Variants in GALNT13 observed in about 807,000 individuals in gnomAD.
The protein encoded by GALNT13 is UDP-GalNAc:polypeptide N-acetylgalactosaminyltransferase 13.
A neutral mutation model predicts 64.2 loss-of-function variants in GALNT13; 28 were observed. The observed-to-expected ratio is 0.44, with a 90% CI of 0.32 to 0.60. The LOEUF is 0.60. Among genes scored for constraint, GALNT13 ranks in the 20% least tolerant of loss-of-function variants. The pLI is 0.05. For synonymous variants in GALNT13, 214 were observed against 224.6 expected (o/e 0.95, Z 0.42); for missense variants, 577 against 669.8 (o/e 0.86, Z 1.53).
At chr2:154,279,919 T>A (rs1691867524) in intron 8 of GALNT13, among the ~76,000 whole-genome samples, 1 of 152,160 alleles carries the variant, frequency 6.6e-6, no homozygotes, top group Admixed American at 6.5e-5. Context: ...TCACATTGGT[T>A]CTTGCCAAAC....
Position 154,256,700 on chromosome 2 carries a change from G to A in GALNT13, c.858-2321G>A, listed in dbSNP as rs116143042. On this transcript the variant is annotated intron_variant, in intron 7 of 12. Transcript: ENST00000392825. ...AACTGTTGGTTATGTATTGAGAACT[G>A]TGTTAAGTGCTTTACTTCTGTTAAC... Among the ~76,000 whole-genome samples, 275 of 152,228 alleles carry A rather than the reference G, an allele frequency of 1.8e-3. 1 individual carries two copies. The highest frequency in any genetic ancestry group is 6.1e-3 in the African/African-American group (253 of 41,548).
the GALNT13 span, among the ~76,000 whole-genome samples, chr2:153,597,225 G>T: frequency 1.3e-5 from 2 of 151,996 alleles, no homozygotes; most frequent in East Asian, 3.9e-4. Flanking sequence ...TTGTATTTCA[G>T]TACGGTCACA....
chr2:154,326,923 C>T (rs953672246), intron 9 of GALNT13, among the ~76,000 whole-genome samples: 1 of 152,038 alleles, frequency 6.6e-6, no homozygotes, highest in African/African-American at 2.4e-5. Context: ...TTGGTTCGTC[C>T]ATCAGGAGTT....
intron 3 of GALNT13, among the ~76,000 whole-genome samples, chr2:153,971,692 T>A (rs1325513574): frequency 6.6e-6 from 1 of 152,156 alleles, no homozygotes; most frequent in Non-Finnish European, 1.5e-5. Context: ...TCACAAAATT[T>A]GCTTTTATGA....
At chr2:154,128,585 T>C (rs1292846184) in intron 3 of GALNT13, among the ~76,000 whole-genome samples, 2 of 152,090 alleles carry the variant, frequency 1.3e-5, no homozygotes, top group African/African-American at 4.8e-5. Flanking sequence ...AGCTGGTTTA[T>C]ACAGATGGTC....
the GALNT13 span, among the ~76,000 whole-genome samples, chr2:153,372,118 G>T: frequency 6.6e-6 from 1 of 152,158 alleles, no homozygotes; most frequent in South Asian, 2.1e-4. Flanking sequence ...AATATGTCCA[G>T]CTGTCAACAT....
chr2:153,927,664 A>C (rs905251068), intron 2 of GALNT13, among the ~76,000 whole-genome samples: 2 of 151,966 alleles, frequency 1.3e-5, no homozygotes, highest in Non-Finnish European at 2.9e-5. Context: ...AGTATTCAAT[A>C]TTTGGAATAT....
the GALNT13 span, among the ~76,000 whole-genome samples, chr2:153,322,829 C>T: frequency 2.6e-5 from 4 of 152,124 alleles, no homozygotes; most frequent in Admixed American, 1.3e-4. Context: ...GACATGAACT[C>T]CTTCTTTTTT....
intron 1 of GALNT13, among the ~76,000 whole-genome samples, chr2:153,873,098 CCCCGTCTTCCCGAACACCAG>C (rs1686099533): frequency 6.6e-6 from 1 of 152,214 alleles, no homozygotes; most frequent in Non-Finnish European, 1.5e-5. Context: ...CATCTCTCTG[CCCCGTCTTCCCGAACACCAG>C]CCCCGCGATC....
the GALNT13 span, among the ~76,000 whole-genome samples, chr2:153,125,701 C>T: frequency 1.3e-4 from 20 of 152,240 alleles, no homozygotes; most frequent in African/African-American, 3.4e-4. Flanking sequence ...CATAAAAGTA[C>T]GCAGTAAGCA....
Position 154,182,175 on chromosome 2 carries a change from C to T in GALNT13, c.311+41670C>T, listed in dbSNP as rs148697346. On this transcript the variant is annotated intron_variant, in intron 4 of 12. Coordinates refer to ENST00000392825, the MANE Select transcript of GALNT13 (RefSeq NM_052917.4). The stretch of plus-strand genomic sequence containing the variant: ...TATAGAGGTTAAACAAATGGCCCAA[C>T]CCAGCAGTGCTAGTAACTTGAGAAA... 8.7e-4 allele frequency among the ~76,000 whole-genome samples: 133 copies of T among 152,250 alleles called. 3 individuals carry two copies. The East Asian group carries it at 0.019, about 22-fold the overall frequency.
At chr2:153,591,200 T>C in the GALNT13 span, among the ~76,000 whole-genome samples, 6 of 151,932 alleles carry the variant, frequency 3.9e-5, no homozygotes, top group African/African-American at 1.2e-4. Flanking sequence ...AAGAAATCAA[T>C]CACATTTACA....
At chr2:154,263,650 A>C (rs1196274707) in intron 8 of GALNT13, among the ~76,000 whole-genome samples, 1 of 152,202 alleles carries the variant, frequency 6.6e-6, no homozygotes, top group Non-Finnish European at 1.5e-5. Flanking sequence ...GAAAAACCAC[A>C]CACAAAAAAA....
chr2:153,456,058 C>T, the GALNT13 span, among the ~76,000 whole-genome samples: 1 of 152,130 alleles, frequency 6.6e-6, no homozygotes, highest in African/African-American at 2.4e-5. Flanking sequence ...TTCTCTGCGA[C>T]GCCCAGCCAT....
intron 4 of GALNT13, among the ~76,000 whole-genome samples, chr2:154,193,607 C>T (rs1349544932): frequency 6.6e-6 from 1 of 152,226 alleles, no homozygotes; most frequent in Non-Finnish European, 1.5e-5. Context: ...TGATGAAACA[C>T]ACCACCATGT....
At chr2:153,637,924 C>T in the GALNT13 span, among the ~76,000 whole-genome samples, 1 of 150,698 alleles carries the variant, frequency 6.6e-6, no homozygotes, top group Non-Finnish European at 1.5e-5. Context: ...TTGTACAGTG[C>T]CTACCAAGTA....
chr2:153,316,167 G>A, the GALNT13 span, among the ~76,000 whole-genome samples: 2 of 151,954 alleles, frequency 1.3e-5, no homozygotes, highest in East Asian at 1.9e-4. Flanking sequence ...ACAATCTCAA[G>A]CATTGATGAG....
chr2:153,116,119 A>G, the GALNT13 span, among the ~76,000 whole-genome samples: 2 of 152,216 alleles, frequency 1.3e-5, no homozygotes, highest in African/African-American at 4.8e-5. Flanking sequence ...GATTTAAATT[A>G]GTAATAAGCC....
the GALNT13 span, among the ~76,000 whole-genome samples, chr2:153,441,399 T>A: frequency 1.8e-4 from 28 of 152,250 alleles, no homozygotes; most frequent in African/African-American, 6.5e-4. Flanking sequence ...CCAGCTTTGT[T>A]CTTTTTACTT....
Sources: gnomAD v4.1 joint callset for allele counts (sites outside exome capture counted in the v4.1 genomes callset) on GRCh38, gnomAD v4.1.1 for gene constraint, MANE v1.5 for transcripts, NCBI Gene and HGNC (gene_info 2026-07-23, HGNC 2026-07-21) for gene names.